FBLN2: variants seen among roughly 807,000 people sequenced by gnomAD.
FBLN2 encodes fibulin 2, also known as fibulin-2.
Under a neutral mutation model 123.7 loss-of-function variants are expected in FBLN2, and 81 were observed. The ratio of observed to expected loss-of-function variants is 0.65; its 90% CI spans 0.55 to 0.79. The LOEUF (loss-of-function observed/expected upper bound fraction) is 0.79, where lower values mean the gene tolerates loss of function less well. FBLN2 is among the 30% of genes least tolerant of loss of function. The pLI is 0.00. For missense variants in FBLN2, 1,603 were observed against 1,681.3 expected (o/e 0.95, Z 0.81); for synonymous variants, 699 against 701.4 (o/e 1.00, Z 0.05).
In FBLN2 at chr3:13,636,508, A is replaced by G; in HGVS notation, c.3278A>G (p.Gln1093Arg). Reference sequence around the variant, plus strand: ...GAGGCTGAGACCTGCCACAACATCCAGGGTAGCTTCCGCTGCCTGCGCTTC... The same window carrying G: ...GAGGCTGAGACCTGCCACAACATCCGGGGTAGCTTCCGCTGCCTGCGCTTC... ...CSEAETCHNI[Q>R]GSFRCLRFEC... Residue 1093 changes from glutamine to arginine, a missense_variant, in exon 17 of 18, where the codon CAG (glutamine) becomes CGG (arginine). Transcript: ENST00000404922. The G allele has an allele frequency of 6.2e-7, 1 of 1,613,894 alleles. No homozygotes were observed. The highest frequency in any genetic ancestry group is 1.1e-5 in the South Asian group (1 of 91,044).
chr3:13,569,714 G>A (rs1303820986), intron 1 of FBLN2, among the ~76,000 whole-genome samples: 3 of 152,022 alleles, frequency 2.0e-5, no homozygotes, highest in Admixed American at 2.0e-4. Context: ...GCTGTAGGGG[G>A]CGTCTTGTTC....
Position 13,614,086 on chromosome 3 carries a change from T to A in FBLN2, c.1651T>A (p.Ser551Thr). 6.2e-7 allele frequency: 1 copy of A among 1,613,784 alleles called. No homozygotes were observed. The highest frequency in any genetic ancestry group is 8.5e-7 in the Non-Finnish European group (1 of 1,179,884). ...CTATCCCTGCAATCATGTCATGCTC[T>A]CCTGCTGTGAGGGTGAAGAGCCTCT... The part of the protein sequence containing the change: ...LGYPCNHVML[S>T]CCEGEEPLIV... Residue 551 changes from serine to threonine, a missense_variant, in exon 5 of 18, where the codon TCC becomes ACC. Coordinates refer to ENST00000404922, the MANE Select transcript of FBLN2 (RefSeq NM_001004019.2).
chr3:13,570,280 C>A (rs1703888090), intron 1 of FBLN2, 35 bp from the exon 2 acceptor site: 2 of 1,450,886 alleles, frequency 1.4e-6, no homozygotes, highest in South Asian at 1.4e-5. Flanking sequence ...GTGTGCACAC[C>A]CAGTACTGAC....
chr3:13,558,296 T>C (rs1703513728), intron 1 of FBLN2, among the ~76,000 whole-genome samples: 1 of 152,128 alleles, frequency 6.6e-6, no homozygotes, highest in African/African-American at 2.4e-5. Context: ...GGTCTCTTTC[T>C]GTCTCACTAA....
At chr3:13,574,510 A>G (rs1001638904) in intron 2 of FBLN2, among the ~76,000 whole-genome samples, 1 of 152,172 alleles carries the variant, frequency 6.6e-6, no homozygotes. Flanking sequence ...ACATCTGGAC[A>G]TGCTCAGAGG....
chr3:13,623,312 T>C (rs1455033470), intron 9 of FBLN2, among the ~76,000 whole-genome samples: 1 of 152,216 alleles, frequency 6.6e-6, no homozygotes, highest in East Asian at 1.9e-4. Flanking sequence ...CGCAGGCTTG[T>C]CTAGCTGCCT....
At chr3:13,594,752 C>T (rs940910432) in intron 2 of FBLN2, among the ~76,000 whole-genome samples, 27 of 152,268 alleles carry the variant, frequency 1.8e-4, no homozygotes, top group African/African-American at 5.3e-4. Flanking sequence ...TGACACTCAG[C>T]TGGGGACACA....
chr3:13,549,712 G>A (rs983027368), intron 1 of FBLN2, among the ~76,000 whole-genome samples: 14 of 150,996 alleles, frequency 9.3e-5, no homozygotes, highest in Admixed American at 4.6e-4. Context: ...CGCCACACAC[G>A]CACTCACACA....
chr3:13,631,592 C>T (rs1213758890), intron 16 of FBLN2, 135 bp downstream of exon 16: 1 of 1,052,552 alleles, frequency 9.5e-7, no homozygotes, highest in Non-Finnish European at 1.3e-6. Context: ...ATGGCCAATG[C>T]TACCAGTGGC....
chr3:13,573,099 C>T (rs1022628690), intron 2 of FBLN2, among the ~76,000 whole-genome samples: 7 of 151,652 alleles, frequency 4.6e-5, no homozygotes, highest in East Asian at 3.9e-4. Context: ...CCCAGAGCTC[C>T]GTCAGTGTGA....
chr3:13,632,770 TGG>T, intron 16 of FBLN2, among the ~76,000 whole-genome samples: 1 of 152,068 alleles, frequency 6.6e-6, no homozygotes, highest in Non-Finnish European at 1.5e-5. Context: ...AATCACTGAC[TGG>T]GAGGCCTGCT....
At chr3:13,603,615 T>C (rs1316148362) in intron 2 of FBLN2, among the ~76,000 whole-genome samples, 1 of 152,190 alleles carries the variant, frequency 6.6e-6, no homozygotes, top group Non-Finnish European at 1.5e-5. Flanking sequence ...ATGTGCCACA[T>C]TTTCTTAATC....
At chr3:13,603,687 C>T (rs1223565092) in intron 2 of FBLN2, among the ~76,000 whole-genome samples, 2 of 152,112 alleles carry the variant, frequency 1.3e-5, no homozygotes, top group Admixed American at 1.3e-4. Flanking sequence ...AATAGTGCTG[C>T]AGTAAATATA....
chr3:13,611,359 C>T (rs756708954), intron 4 of FBLN2, among the ~76,000 whole-genome samples: 80 of 152,316 alleles, frequency 5.3e-4, no homozygotes, highest in Non-Finnish European at 1.0e-3. Context: ...GCGCAGCCGT[C>T]ACCACCAAGC....
chr3:13,613,122 A>T (rs1253296591), intron 4 of FBLN2, among the ~76,000 whole-genome samples: 2 of 132,536 alleles, frequency 1.5e-5, no homozygotes, highest in African/African-American at 3.5e-5. Context: ...TTCAGTTATG[A>T]TGTGCAGAGT....
chr3:13,636,394 G>A (rs555308167), intron 16 of FBLN2, 51 bp from the exon 17 acceptor site: 1 of 1,601,616 alleles, frequency 6.2e-7, no homozygotes, highest in Non-Finnish European at 8.5e-7. Context: ...GGAGTTTCAG[G>A]CTGGGTCCCC....
chr3:13,557,832 A>T (rs866056743), intron 1 of FBLN2, among the ~76,000 whole-genome samples: 3 of 152,230 alleles, frequency 2.0e-5, no homozygotes, highest in Non-Finnish European at 4.4e-5. Flanking sequence ...AGAGGGTCAC[A>T]TGCTCCGAGG....
At chr3:13,569,535 G>A (rs1703853712) in intron 1 of FBLN2, among the ~76,000 whole-genome samples, 1 of 151,884 alleles carries the variant, frequency 6.6e-6, no homozygotes, top group African/African-American at 2.4e-5. Context: ...CAGATTGCGG[G>A]GAGAATGGAC....
chr3:13,618,404 AC>A, intron 6 of FBLN2, 119 bp downstream of exon 6: 1 of 897,944 alleles, frequency 1.1e-6, no homozygotes, highest in Non-Finnish European at 1.7e-6. Flanking sequence ...ACAAGTTGGA[AC>A]CCACAGAAGC....
Sources: gnomAD v4.1 joint callset for allele counts (sites outside exome capture counted in the v4.1 genomes callset) on GRCh38, gnomAD v4.1.1 for gene constraint, MANE v1.5 for transcripts, NCBI Gene and HGNC (gene_info 2026-07-23, HGNC 2026-07-21) for gene names.